The following GABRR3 variants were observed in gnomAD, a reference collection of about 807,000 sequenced individuals.
GABRR3 encodes gamma-aminobutyric acid type A receptor subunit rho3.
GABRR3 carries 29 observed loss-of-function variants against 43.2 expected under a neutral mutation model. The ratio of observed to expected loss-of-function variants is 0.67; its 90% CI spans 0.50 to 0.92. The LOEUF (loss-of-function observed/expected upper bound fraction) is 0.92, where lower values mean the gene tolerates loss of function less well. Ranked by LOEUF, GABRR3 falls within the 40% of genes least tolerant of loss-of-function variation. The pLI, the probability that GABRR3 is intolerant of heterozygous loss-of-function variation, is 0.00. For missense variants in GABRR3, 576 were observed against 572.3 expected (o/e 1.01, Z -0.07); for synonymous variants, 206 against 195.9 (o/e 1.05, Z -0.43).
chr3:98,034,977 G>A (rs770916263), exon 2 of GABRR3: 6 of 1,612,360 alleles, frequency 3.7e-6, no homozygotes, highest in Non-Finnish European at 5.1e-6. Flanking sequence ...TAACTGGAAA[G>A]CCAGGACCAT....
intron 5 of GABRR3, among the ~76,000 whole-genome samples, chr3:98,011,257 T>G (rs1368042299): frequency 6.6e-6 from 1 of 152,254 alleles, no homozygotes; most frequent in Non-Finnish European, 1.5e-5. Flanking sequence ...AGTTTCCTAC[T>G]GCTGCTGTAA....
intron 3 of GABRR3, among the ~76,000 whole-genome samples, chr3:98,024,602 C>T (rs572541071): frequency 2.6e-5 from 4 of 152,260 alleles, no homozygotes; most frequent in South Asian, 2.1e-4. Flanking sequence ...TTGCGGTATT[C>T]GTTATTCATC....
At chr3:98,028,025 G>A (rs970950142) in intron 2 of GABRR3, among the ~76,000 whole-genome samples, 1 of 151,984 alleles carries the variant, frequency 6.6e-6, no homozygotes, top group African/African-American at 2.4e-5. Flanking sequence ...AGAAAAATGT[G>A]TAAGCATAGA....
At chr3:97,985,494 C>G (rs1559771534), downstream of GABRR3, among the ~76,000 whole-genome samples, 1 of 152,192 alleles carries the variant, frequency 6.6e-6, no homozygotes, top group Non-Finnish European at 1.5e-5. Context: ...AGAATTCACA[C>G]CAGACAGTGT....
chr3:98,028,659 G>C (rs1707051078), intron 2 of GABRR3, among the ~76,000 whole-genome samples: 1 of 152,148 alleles, frequency 6.6e-6, no homozygotes, highest in South Asian at 2.1e-4. Context: ...TTAAAAGGAG[G>C]TAATAAAGGA....
At chr3:98,025,633 G>T (rs1707004146) in exon 3 of GABRR3, 3 of 1,612,830 alleles carry the variant, frequency 1.9e-6, no homozygotes, top group Non-Finnish European at 2.5e-6. Flanking sequence ...TATTTCTGAG[G>T]CCGCGCTTTG....
chr3:98,008,384 AT>A (rs1490461369), intron 6 of GABRR3, among the ~76,000 whole-genome samples: 2 of 152,240 alleles, frequency 1.3e-5, no homozygotes, highest in African/African-American at 4.8e-5. Context: ...AGGGCGGAGC[AT>A]CTGTGGAGTA....
chr3:97,992,503 C>A (rs56172624), intron 9 of GABRR3, among the ~76,000 whole-genome samples: 6,234 of 152,210 alleles, frequency 0.041, 407 homozygotes, highest in African/African-American at 0.14. Flanking sequence ...TATATAATAA[C>A]CCCCCATTAC....
chr3:98,003,153 C>T (rs1264553884), intron 7 of GABRR3, among the ~76,000 whole-genome samples: 2 of 152,080 alleles, frequency 1.3e-5, no homozygotes. Context: ...TTCTCATTGT[C>T]TTGTATCACC....
At chr3:98,012,509 G>A (rs2107239709) in exon 5 of GABRR3, 3 of 1,613,944 alleles carry the variant, frequency 1.9e-6, no homozygotes, top group Non-Finnish European at 1.7e-6. Context: ...TGCTGTGCTA[G>A]GAAAGGAGAG....
At chr3:97,993,203 G>C (rs543682757) in intron 8 of GABRR3, 155 bp from the exon 9 acceptor site, 1 of 188,638 alleles carries the variant, frequency 5.3e-6, no homozygotes, top group Non-Finnish European at 9.9e-6. Context: ...TATATATCTT[G>C]AGCCTAAACA....
exon 4 of GABRR3, chr3:98,017,681 T>C (rs1160489458): frequency 3.1e-6 from 5 of 1,611,234 alleles, no homozygotes; most frequent in South Asian, 2.2e-5. Flanking sequence ...ATGCTGTCAA[T>C]GCTTTCAACA....
intron 2 of GABRR3, among the ~76,000 whole-genome samples, chr3:98,032,468 A>G (rs1273078031): frequency 6.6e-6 from 1 of 152,170 alleles, no homozygotes; most frequent in East Asian, 1.9e-4. Flanking sequence ...AATATCACTC[A>G]GTGTAATTGT....
intron 8 of GABRR3, chr3:97,999,252 G>A (rs947907388): frequency 6.6e-6 from 1 of 152,132 alleles, no homozygotes; most frequent in African/African-American, 2.4e-5. Flanking sequence ...CTTGGGTAAT[G>A]CATGGGAGTG....
chr3:98,001,202 A>G (rs1439127242), intron 8 of GABRR3: 3 of 160,696 alleles, frequency 1.9e-5, no homozygotes, highest in Non-Finnish European at 2.7e-5. Context: ...TTAATACACT[A>G]AGAGTATAGT....
chr3:98,009,475 C>G (rs895868992), intron 5 of GABRR3, among the ~76,000 whole-genome samples: 1 of 152,190 alleles, frequency 6.6e-6, no homozygotes, highest in Non-Finnish European at 1.5e-5. Flanking sequence ...CTTCACAAAG[C>G]AAGTTTACCC....
intron 7 of GABRR3, among the ~76,000 whole-genome samples, chr3:98,007,478 C>A (rs1467229972): frequency 1.3e-5 from 2 of 152,088 alleles, no homozygotes; most frequent in Non-Finnish European, 2.9e-5. Context: ...AAGTTTAGAA[C>A]AGGAAAGAAT....
intron 5 of GABRR3, among the ~76,000 whole-genome samples, chr3:98,009,544 T>C (rs1706762312): frequency 6.6e-6 from 1 of 152,208 alleles, no homozygotes; most frequent in Non-Finnish European, 1.5e-5. Flanking sequence ...GTTATAGATC[T>C]ATGTGCACAA....
intron 7 of GABRR3, among the ~76,000 whole-genome samples, chr3:98,003,729 A>T (rs191908783): frequency 4.0e-4 from 61 of 152,186 alleles, no homozygotes; most frequent in African/African-American, 1.5e-3. Flanking sequence ...ACCTGTGAAA[A>T]GTTCAAACCA....
Sources: allele counts gnomAD v4.1 joint callset (sites outside exome capture counted in the v4.1 genomes callset), GRCh38; gene constraint gnomAD v4.1.1; transcripts MANE v1.5; gene names NCBI Gene and HGNC (gene_info 2026-07-23, HGNC 2026-07-21).